The following GRM7 variants were observed in gnomAD, a reference collection of about 807,000 sequenced individuals.
GRM7 encodes the protein metabotropic glutamate receptor 7.
GRM7 carries 35 observed loss-of-function variants against 84.5 expected under a neutral mutation model. The observed-to-expected ratio is 0.41, with a 90% CI of 0.32 to 0.55. GRM7 has a LOEUF of 0.55. Among genes scored for constraint, GRM7 ranks in the 20% least tolerant of loss-of-function variants. GRM7 has a pLI of 0.19. For synonymous variants in GRM7, 487 were observed against 455.1 expected, an observed-to-expected ratio of 1.07 and a Z score of -0.89; for missense variants, 1,003 against 1,194.6, an observed-to-expected ratio of 0.84 and a Z score of 2.36.
At chr3:7,232,663 T>G (rs977643927) in intron 2 of GRM7, among the ~76,000 whole-genome samples, 5 of 152,226 alleles carry the variant, frequency 3.3e-5, no homozygotes, top group Non-Finnish European at 7.3e-5. Flanking sequence ...CATTATCATG[T>G]GTCAAGCACT....
chr3:7,419,375 G>C (rs1696304307), intron 5 of GRM7, among the ~76,000 whole-genome samples: 1 of 152,122 alleles, frequency 6.6e-6, no homozygotes, highest in Non-Finnish European at 1.5e-5. Context: ...CACACACTGT[G>C]CATTATAGAG....
intron 3 of GRM7, among the ~76,000 whole-genome samples, chr3:7,302,000 C>A (rs897516253): frequency 1.2e-4 from 19 of 152,152 alleles, no homozygotes; most frequent in African/African-American, 4.3e-4. Flanking sequence ...GGATTTTAGA[C>A]AAGCGTGGAT....
chr3:7,356,992 C>A (rs1401451198), intron 4 of GRM7, among the ~76,000 whole-genome samples: 1 of 148,202 alleles, frequency 6.7e-6, no homozygotes, highest in African/African-American at 2.5e-5. Flanking sequence ...TCAAATGTGA[C>A]ATATTTTATA....
chr3:7,486,710 C>A lies in GRM7; in HGVS notation c.1515+24988C>A, dbSNP rs1486886458. On this transcript the variant is annotated intron_variant, in intron 7 of 9. Transcript: ENST00000357716. The surrounding 1 kb of genome is among the most constrained non-coding windows in gnomAD (Gnocchi z 5.5). ...CTTCCCAGCCACCAGAATGATGAGA[C>A]AAATAAGGCTGTTTTTTAAAATAAT... Among the ~76,000 whole-genome samples, 1 of 152,152 alleles carries A rather than the reference C, an allele frequency of 6.6e-6. No homozygotes were observed. The highest frequency in any genetic ancestry group is 1.5e-5 in the Non-Finnish European group (1 of 68,032).
chr3:7,572,868 ATATATATATAT>A lies in GRM7; in HGVS notation c.1516-5553_1516-5543del, dbSNP rs1485017554. On this transcript the variant is annotated intron_variant, in intron 7 of 9. Transcript: ENST00000357716. ...TATATATATATATATATATATATAT[ATATATATATAT>A]AAATAATCTTTCTACCTATAATAAT... Among the ~76,000 whole-genome samples the A allele has an allele frequency of 7.4e-5, 6 of 80,658 alleles. 1 individual carries two copies. In the East Asian group the frequency reaches 1.1e-3, roughly 15 times the overall value. The allele number at this position is 80,658 out of a possible 152,430, so 52.9% of individuals were successfully genotyped here. A position where few individuals can be genotyped will look rare whatever the true frequency, so the allele number is the denominator to read the frequency against.
chr3:7,052,974 T>C (rs1697063798), intron 1 of GRM7, among the ~76,000 whole-genome samples: 1 of 151,378 alleles, frequency 6.6e-6, no homozygotes, highest in African/African-American at 2.4e-5. Context: ...TGCTCAACTC[T>C]TTTCCAAAGT....
chr3:7,195,007 G>A (rs1019577325), intron 2 of GRM7, among the ~76,000 whole-genome samples: 1 of 152,036 alleles, frequency 6.6e-6, no homozygotes, highest in African/African-American at 2.4e-5. Flanking sequence ...TATCCCAGAG[G>A]CCAGAACAAG....
intron 1 of GRM7, among the ~76,000 whole-genome samples, chr3:7,066,573 T>C (rs1329293600): frequency 1.3e-5 from 2 of 151,930 alleles, no homozygotes; most frequent in Non-Finnish European, 2.9e-5. Flanking sequence ...CCAGATGGAT[T>C]CACAGCAGCA....
At chr3:7,008,230 T>C (rs1240472) in intron 1 of GRM7, among the ~76,000 whole-genome samples, 134,988 of 152,184 alleles carry the variant, frequency 0.89, 61,881 homozygotes, top group Non-Finnish European at 0.99. Context: ...GAAGGAGTTA[T>C]AGGGCTAATT....
rs1695557943 is a variant in GRM7 at position 7,016,127 on chromosome 3, TG to T, written c.520-130322del. Among the ~76,000 whole-genome samples, 13 of 147,640 alleles carry T rather than the reference TG, an allele frequency of 8.8e-5. No individual in the cohort carries two copies. The South Asian group carries it at 2.8e-3, about 32-fold the overall frequency. On this transcript the variant is annotated intron_variant, in intron 1 of 9. Transcript: ENST00000357716. ...AGTTTATTAAGGGCTTTGATCTATCTGGGCTAAAATCCCAGCTAGTTCTATT... is the reference window on the plus strand; with the variant it reads ...AGTTTATTAAGGGCTTTGATCTATCTGGCTAAAATCCCAGCTAGTTCTATT...
At chr3:7,383,356 G>A (rs1694661657) in intron 4 of GRM7, among the ~76,000 whole-genome samples, 1 of 152,160 alleles carries the variant, frequency 6.6e-6, no homozygotes, top group African/African-American at 2.4e-5. Context: ...TAATGAAAGT[G>A]GGGATGGACA....
At chr3:6,995,798 G>GAGAACACAT (rs1694804687) in intron 1 of GRM7, among the ~76,000 whole-genome samples, 2 of 152,090 alleles carry the variant, frequency 1.3e-5, no homozygotes, top group South Asian at 4.1e-4. Context: ...GTAGTACCAA[G>GAGAACACAT]AGAACACATA....
chr3:6,949,460 C>T (rs1247505599), intron 1 of GRM7, among the ~76,000 whole-genome samples: 2 of 151,998 alleles, frequency 1.3e-5, no homozygotes, highest in African/African-American at 2.4e-5. Context: ...TGTGGGTAAC[C>T]CGACCTTTCT....
chr3:7,502,041 A>G (rs1478217046), intron 7 of GRM7, among the ~76,000 whole-genome samples: 1 of 152,202 alleles, frequency 6.6e-6, no homozygotes, highest in East Asian at 1.9e-4. Context: ...TCAAAACTGG[A>G]CTGAAATTCT....
At chr3:6,885,874 C>T (rs905079332) in intron 1 of GRM7, among the ~76,000 whole-genome samples, 4 of 152,138 alleles carry the variant, frequency 2.6e-5, no homozygotes, top group East Asian at 1.9e-4. Context: ...TTGAAGGTCT[C>T]CAGTCTATTA....
At chr3:7,395,698 C>A (rs887361135) in intron 4 of GRM7, among the ~76,000 whole-genome samples, 2 of 152,166 alleles carry the variant, frequency 1.3e-5, no homozygotes, top group African/African-American at 2.4e-5. Context: ...TAAGATATGA[C>A]TTTGCTTCTT....
At chr3:7,391,045 C>CA (rs1694973578) in intron 4 of GRM7, among the ~76,000 whole-genome samples, 2 of 147,416 alleles carry the variant, frequency 1.4e-5, no homozygotes, top group Non-Finnish European at 3.0e-5. Flanking sequence ...ATTTTTTTTT[C>CA]TTTTTTTTTC....
At chr3:7,323,730 T>A (rs1188528443) in intron 4 of GRM7, among the ~76,000 whole-genome samples, 1 of 152,214 alleles carries the variant, frequency 6.6e-6, no homozygotes, top group Non-Finnish European at 1.5e-5. Flanking sequence ...TCTATAAATA[T>A]AATCACATTG....
chr3:7,447,882 A>G (rs1697588367), intron 5 of GRM7, among the ~76,000 whole-genome samples: 1 of 142,478 alleles, frequency 7.0e-6, no homozygotes, highest in African/African-American at 2.6e-5. Flanking sequence ...TATATCTCCT[A>G]ATGCTATCCC....
Sources: gnomAD v4.1 joint callset for allele counts (sites outside exome capture counted in the v4.1 genomes callset) on GRCh38, gnomAD v4.1.1 for gene constraint, Gnocchi (gnomAD v3.1) non-coding constraint, MANE v1.5 for transcripts, NCBI Gene and HGNC (gene_info 2026-07-23, HGNC 2026-07-21) for gene names.